The following VLDLR variants were observed in gnomAD, a reference collection of about 807,000 sequenced individuals.
The protein encoded by VLDLR is very low density lipoprotein receptor.
VLDLR carries 81 observed loss-of-function variants against 112.7 expected under a neutral mutation model. The ratio of observed to expected loss-of-function variants is 0.72; its 90% CI spans 0.60 to 0.86. The LOEUF (loss-of-function observed/expected upper bound fraction) is 0.86, where lower values mean the gene tolerates loss of function less well. Among genes scored for constraint, VLDLR ranks in the 40% least tolerant of loss-of-function variants. The pLI is 0.00. For missense variants in VLDLR, 1,237 were observed against 1,099.4 expected, an observed-to-expected ratio of 1.13 and a Z score of -1.77; for synonymous variants, 436 against 384.8, an observed-to-expected ratio of 1.13 and a Z score of -1.56.
rs938730466 is a variant in VLDLR at position 2,658,925 on chromosome 9, T to C, written c.*5057T>C. The C allele has an allele frequency of 1.3e-5, 2 of 152,176 alleles. No homozygotes were observed. Among genetic ancestry groups the C allele is most frequent in the African/African-American group, 4.8e-5 (2 of 41,428 alleles). 9.4% of individuals were successfully genotyped at this position (152,176 alleles called of 1,614,324 possible). The stretch of plus-strand genomic sequence containing the variant: ...TGATATTTAAGGAGTGATAGCATCT[T>C]GCATACTTAAGAAGGCTTAAAAGAC... On this transcript the variant is annotated 3_prime_UTR_variant, in exon 19 of 19. Transcript: ENST00000382100.
Position 2,648,787 on chromosome 9 carries a change from A to G in VLDLR, c.2081A>G (p.Tyr694Cys), listed in dbSNP as rs758917465. 9.9e-6 allele frequency: 16 copies of G among 1,614,068 alleles called. No homozygotes were observed. The highest frequency in any genetic ancestry group is 1.4e-5 in the Non-Finnish European group (16 of 1,180,046). The part of the protein sequence containing the change: ...NLNDAQDIIV[Y>C]HELVQPSGKN... ...AATGATGCCCAAGACATCATTGTCT[A>G]TCATGAACTTGTACAGCCATCAGGT... Residue 694 changes from tyrosine (Y) to cysteine (C), a missense_variant, in exon 14 of 19, where the codon TAT becomes TGT. Transcript: ENST00000382100.
intron 1 of VLDLR, among the ~76,000 whole-genome samples, chr9:2,628,696 G>C (rs562418653): frequency 6.6e-6 from 1 of 152,172 alleles, no homozygotes; most frequent in Non-Finnish European, 1.5e-5. Flanking sequence ...TGTCAGGGAA[G>C]AATTTGGGCT....
intron 15 of VLDLR, 130 bp downstream of exon 15, chr9:2,650,646 T>G: frequency 7.8e-7 from 1 of 1,289,594 alleles, no homozygotes; most frequent in Non-Finnish European, 1.1e-6. Context: ...TCTGCTATTG[T>G]ATGCCGGGTT....
chr9:2,648,500 C>A (rs1818168865), intron 13 of VLDLR, among the ~76,000 whole-genome samples, 153 bp downstream of exon 13: 1 of 152,154 alleles, frequency 6.6e-6, no homozygotes, highest in East Asian at 1.9e-4. Context: ...ACACTAAGTC[C>A]CAGAAGCACT....
intron 2 of VLDLR, among the ~76,000 whole-genome samples, chr9:2,639,387 C>G (rs1464016773): frequency 1.3e-5 from 2 of 152,174 alleles, no homozygotes; most frequent in African/African-American, 2.4e-5. Context: ...CTCCTAATAA[C>G]ATCATGTTAG....
intron 2 of VLDLR, 53 bp downstream of exon 2, chr9:2,635,625 T>C: frequency 6.2e-7 from 1 of 1,612,278 alleles, no homozygotes. Context: ...GATGTTATCT[T>C]AGTCTGCAAA....
intron 1 of VLDLR, among the ~76,000 whole-genome samples, chr9:2,628,955 AC>A (rs1170247263): frequency 1.3e-5 from 2 of 152,192 alleles, no homozygotes; most frequent in African/African-American, 4.8e-5. Context: ...ATATGCTACA[AC>A]CCTGAAAATG....
intron 4 of VLDLR, among the ~76,000 whole-genome samples, chr9:2,642,052 C>G (rs1257250085): frequency 6.6e-6 from 1 of 151,824 alleles, no homozygotes; most frequent in Non-Finnish European, 1.5e-5. Context: ...CTGGTGATAC[C>G]TTTGTCTCCT....
chr9:2,652,725 T>TTGTA (rs1305557615), intron 17 of VLDLR, 55 bp from the exon 18 acceptor site: 2 of 1,608,556 alleles, frequency 1.2e-6, no homozygotes, highest in African/African-American at 2.7e-5. Context: ...ATTACCTTTC[T>TTGTA]TGTATGTTCC....
rs779596643 is a variant in VLDLR at position 2,652,772 on chromosome 9, T to G, written c.2417-8T>G. The G allele has an allele frequency of 6.2e-7, 1 of 1,614,120 alleles. No individual in the cohort carries two copies. Among genetic ancestry groups the G allele is most frequent in the Non-Finnish European group, 8.5e-7 (1 of 1,179,982 alleles). On this transcript the variant is annotated splice_polypyrimidine_tract_variant and splice_region_variant and intron_variant, in intron 17 of 18. Coordinates refer to ENST00000382100, the MANE Select transcript of VLDLR (RefSeq NM_003383.5). ...TAGCTCACTTAGCTACCCTCTGATTTTTTTCAGTGCTCTTAGTGATGGCAG... is the reference window on the plus strand; with the variant it reads ...TAGCTCACTTAGCTACCCTCTGATTGTTTTCAGTGCTCTTAGTGATGGCAG...
intron 14 of VLDLR, among the ~76,000 whole-genome samples, chr9:2,649,013 GC>G (rs1818193971): frequency 2.0e-5 from 3 of 152,182 alleles, no homozygotes; most frequent in Non-Finnish European, 4.4e-5. Context: ...TCAGCTCCTG[GC>G]TTTCCTCCCA....
rs1335499118 is a variant in VLDLR at position 2,659,064 on chromosome 9, G to C, written c.*5196G>C. ...GAGCCTGCATAGTCTTTAGATGGCT[G>C]CCAAAGCACTTAAAATCTCCTTTAA... On this transcript the variant is annotated 3_prime_UTR_variant, in exon 19 of 19. Transcript: ENST00000382100. 1 of 152,172 alleles carries C rather than the reference G, an allele frequency of 6.6e-6. No individual in the cohort carries two copies. Among genetic ancestry groups the C allele is most frequent in the Non-Finnish European group, 1.5e-5 (1 of 68,018 alleles). The allele number at this position is 152,172 out of a possible 1,614,324, so 9.4% of individuals were successfully genotyped here. A position where few individuals can be genotyped will look rare whatever the true frequency, so the allele number is the denominator to read the frequency against.
intron 12 of VLDLR, 65 bp downstream of exon 12, chr9:2,647,657 A>C: frequency 1.4e-6 from 2 of 1,418,522 alleles, no homozygotes; most frequent in South Asian, 2.3e-5. Context: ...ATTTATCTCC[A>C]TGGTGAATTC....
In VLDLR at chr9:2,659,447, G is replaced by A. The variant is rs117600007; in HGVS notation, c.*5579G>A. The A allele has an allele frequency of 1.5e-4, 23 of 152,318 alleles. No individual in the cohort carries two copies. The highest frequency in any genetic ancestry group is 3.4e-3 in the Middle Eastern group (1 of 292). 9.4% of individuals were successfully genotyped at this position (152,318 alleles called of 1,614,324 possible). ...GGTCAGCACAGATTAACTCAGTTAC[G>A]TGTTATACCTTCAAGACGCTAGACA... On this transcript the variant is annotated 3_prime_UTR_variant, in exon 19 of 19. Transcript: ENST00000382100.
rs1450881950 is a variant in VLDLR at position 2,656,420 on chromosome 9, C to T, written c.*2552C>T. On this transcript the variant is annotated 3_prime_UTR_variant, in exon 19 of 19. Transcript: ENST00000382100. ...ACCAGCCTGAGCAACATGGTGAGACCCTGTCTCTACAAAAAAAAAATTTAT... is the reference window on the plus strand; with the variant it reads ...ACCAGCCTGAGCAACATGGTGAGACTCTGTCTCTACAAAAAAAAAATTTAT... 1 of 149,402 alleles carries T rather than the reference C, an allele frequency of 6.7e-6. No individual in the cohort carries two copies. The highest frequency in any genetic ancestry group is 2.5e-5 in the African/African-American group (1 of 40,646). 9.3% of individuals were successfully genotyped at this position (149,402 alleles called of 1,614,324 possible). A position where few individuals can be genotyped will look rare whatever the true frequency, so the allele number is the denominator to read the frequency against.
intron 4 of VLDLR, 109 bp downstream of exon 4, chr9:2,641,608 T>C: frequency 6.7e-7 from 1 of 1,490,452 alleles, no homozygotes; most frequent in Middle Eastern, 2.1e-4. Flanking sequence ...TGACTCACTT[T>C]TCAGTGACTT....
intron 12 of VLDLR, chr9:2,647,874 G>C (rs751205826): frequency 7.0e-6 from 4 of 574,092 alleles, no homozygotes; most frequent in Non-Finnish European, 9.3e-6. Flanking sequence ...CTGGGCATGA[G>C]TGCCTTAGCA....
At position 2,647,463 on chromosome 9, in the gene VLDLR, A is replaced by T; in HGVS notation, c.1704-11A>T. 1.9e-6 allele frequency: 3 copies of T among 1,611,506 alleles called. No individual in the cohort carries two copies. Among genetic ancestry groups the T allele is most frequent in the Non-Finnish European group, 2.5e-6 (3 of 1,177,696 alleles). ...ACCACTGAGGCTTATTTCTCATTTAATTTTTCACAGCTTTGTTTACTGGTC... is the reference window on the plus strand; with the variant it reads ...ACCACTGAGGCTTATTTCTCATTTATTTTTTCACAGCTTTGTTTACTGGTC... On this transcript the variant is annotated splice_polypyrimidine_tract_variant and intron_variant, in intron 11 of 18. Coordinates refer to ENST00000382100, the MANE Select transcript of VLDLR (RefSeq NM_003383.5).
At chr9:2,624,698 C>G (rs1324255029) in intron 1 of VLDLR, among the ~76,000 whole-genome samples, 2 of 152,134 alleles carry the variant, frequency 1.3e-5, no homozygotes, top group African/African-American at 4.8e-5. Context: ...AGTAATAGAC[C>G]TGGAGGTAGG....
Sources: gnomAD v4.1 joint callset for allele counts (sites outside exome capture counted in the v4.1 genomes callset) on GRCh38, gnomAD v4.1.1 for gene constraint, MANE v1.5 for transcripts, NCBI Gene and HGNC (gene_info 2026-07-23, HGNC 2026-07-21) for gene names.